The following DGKB variants were observed in gnomAD, a reference collection of about 807,000 sequenced individuals.
DGKB encodes the protein diacylglycerol kinase beta.
DGKB carries 67 observed loss-of-function variants against 114.3 expected under a neutral mutation model. The observed-to-expected ratio is 0.59, with a 90% confidence interval of 0.48 to 0.72. The LOEUF (loss-of-function observed/expected upper bound fraction) is 0.72. Among genes scored for constraint, DGKB ranks in the 30% least tolerant of loss-of-function variants. The pLI is 0.00. For missense variants in DGKB, 907 were observed against 975.2 expected, an observed-to-expected ratio of 0.93 and a Z score of 0.93; for synonymous variants, 398 against 323.1, an observed-to-expected ratio of 1.23 and a Z score of -2.49.
chr7:14,382,451 T>TACAC (rs4027189), intron 21 of DGKB, among the ~76,000 whole-genome samples: 1 of 150,602 alleles, frequency 6.6e-6, no homozygotes, highest in South Asian at 2.1e-4. Context: ...TGCATGCCTG[T>TACAC]ACACACACAC....
At chr7:14,361,662 A>C (rs797010200) in intron 21 of DGKB, among the ~76,000 whole-genome samples, 11 of 152,070 alleles carry the variant, frequency 7.2e-5, no homozygotes, top group African/African-American at 2.6e-4. Context: ...TACGTAAAGG[A>C]AACATCCCCT....
intron 2 of DGKB, among the ~76,000 whole-genome samples, chr7:14,827,913 A>T (rs1845912186): frequency 8.4e-6 from 1 of 118,702 alleles, no homozygotes; most frequent in Admixed American, 9.3e-5. Context: ...CAACAGAAAT[A>T]TGAACTCCGA....
At chr7:14,164,993 C>T (rs1399747906) in intron 25 of DGKB, among the ~76,000 whole-genome samples, 4 of 152,090 alleles carry the variant, frequency 2.6e-5, no homozygotes, top group Admixed American at 1.3e-4. Context: ...TATTAAATAA[C>T]TCTCCAAAGT....
At chr7:14,658,305 T>C (rs1475647871) in intron 13 of DGKB, among the ~76,000 whole-genome samples, 1 of 151,892 alleles carries the variant, frequency 6.6e-6, no homozygotes, top group African/African-American at 2.4e-5. Context: ...ATAGGTGAAA[T>C]AAGCCAAGCA....
At chr7:14,746,105 G>A (rs1833248190) in intron 4 of DGKB, among the ~76,000 whole-genome samples, 1 of 152,140 alleles carries the variant, frequency 6.6e-6, no homozygotes, top group African/African-American at 2.4e-5. Flanking sequence ...TTGGGAGGCT[G>A]AGGCAGGCAG....
chr7:14,547,098 T>G lies in DGKB; in HGVS notation c.1770+27114A>C, dbSNP rs78619662. Among the ~76,000 whole-genome samples the G allele has an allele frequency of 7.7e-4, 118 of 152,310 alleles. 2 individuals carry two copies. In the East Asian group the frequency reaches 0.022, roughly 29 times the overall value. On this transcript the variant is annotated intron_variant, in intron 20 of 25. Coordinates refer to ENST00000402815, the MANE Select transcript of DGKB (RefSeq NM_001350709.2). The stretch of plus-strand genomic sequence containing the variant: ...ATGAGCAATATGAAATTAAAATTGT[T>G]GATATGTGTTTTAAAGGTCAAAATC...
rs551891438 is a variant in DGKB, at chr7:14,955,993, T to C, written c.-188+18703A>G. ...GTAGCCTGAATGAGAGTAGCACCTGTCATGGAGTAAATATGATCATTCTAA... is the reference window on the plus strand; with the variant it reads ...GTAGCCTGAATGAGAGTAGCACCTGCCATGGAGTAAATATGATCATTCTAA... On this transcript the variant is annotated intron_variant, in intron 1 of 4. Coordinates refer to the DGKB transcript ENST00000437998. Among the ~76,000 whole-genome samples the C allele has an allele frequency of 1.4e-4, 21 of 152,070 alleles. No individual in the cohort carries two copies. The South Asian group carries it at 2.9e-3, about 21-fold the overall frequency.
intron 17 of DGKB, 36 bp from the exon 18 acceptor site, chr7:14,583,173 G>A: frequency 1.5e-6 from 2 of 1,296,470 alleles, no homozygotes; most frequent in Admixed American, 4.1e-5. Flanking sequence ...ATGATTAATA[G>A]TTTAAAAATA....
At chr7:14,881,668 G>A (rs10429088) in intron 1 of DGKB, among the ~76,000 whole-genome samples, 5,575 of 152,126 alleles carry the variant, frequency 0.037, 278 homozygotes, top group African/African-American at 0.12. Context: ...TTCTGATTTT[G>A]TAGGGTTGTG....
intron 21 of DGKB, among the ~76,000 whole-genome samples, chr7:14,439,154 G>A (rs772663278): frequency 1.3e-5 from 2 of 151,992 alleles, no homozygotes; most frequent in Non-Finnish European, 1.5e-5. Context: ...TTCATTACAC[G>A]TACTAATCCC....
intron 21 of DGKB, among the ~76,000 whole-genome samples, chr7:14,378,617 C>A (rs1471574215): frequency 6.6e-6 from 1 of 152,116 alleles, no homozygotes; most frequent in East Asian, 1.9e-4. Flanking sequence ...AATGATCCAA[C>A]ACCTCTCCTA....
intron 20 of DGKB, among the ~76,000 whole-genome samples, chr7:14,549,047 G>A (rs2195753): frequency 6.6e-6 from 1 of 151,858 alleles, no homozygotes; most frequent in African/African-American, 2.4e-5. Flanking sequence ...AACAATCCTG[G>A]TGATCATCAG....
In DGKB at chr7:14,744,461, A is replaced by G. The variant is rs148879381; in HGVS notation, c.169-8267T>C. Among the ~76,000 whole-genome samples, 109 of 152,240 alleles carry G rather than the reference A, an allele frequency of 7.2e-4. 1 individual carries two copies. In the East Asian group the frequency reaches 0.014, roughly 20 times the overall value. The stretch of plus-strand genomic sequence containing the variant: ...CATACAGGGTTCCTAATCTGTAATG[A>G]GTAAAGAATGTCACTTTCTAATGGG... On this transcript the variant is annotated intron_variant, in intron 4 of 25. Transcript: ENST00000402815.
At chr7:14,853,867 CAAAAAAAAA>C (rs56269565) in intron 1 of DGKB, among the ~76,000 whole-genome samples, 12,224 of 104,456 alleles carry the variant, frequency 0.12, 986 homozygotes, top group East Asian at 0.35. Flanking sequence ...GACTCCGTCT[CAAAAAAAAA>C]AAAAAAAAAA....
intron 23 of DGKB, among the ~76,000 whole-genome samples, chr7:14,289,468 C>A (rs1410811257): frequency 6.6e-6 from 1 of 151,992 alleles, no homozygotes; most frequent in East Asian, 1.9e-4. Context: ...ACACTAAAAT[C>A]TTGTTTAAAA....
chr7:14,766,929 G>T (rs886315998), intron 2 of DGKB, among the ~76,000 whole-genome samples: 1 of 151,648 alleles, frequency 6.6e-6, no homozygotes, highest in South Asian at 2.1e-4. Flanking sequence ...AGTTTAGCCA[G>T]AAGGAAATCA....
Position 14,740,873 on chromosome 7 carries a change from A to AG in DGKB, c.169-4680dup, listed in dbSNP as rs572804139. Among the ~76,000 whole-genome samples, 9 of 152,288 alleles carry AG rather than the reference A, an allele frequency of 5.9e-5. No individual in the cohort carries two copies. In the East Asian group the frequency reaches 1.7e-3, roughly 29 times the overall value. On this transcript the variant is annotated intron_variant, in intron 4 of 25. Transcript: ENST00000402815. ...CACCCTGTTGTGGTCACCAGGCCTC[A>AG]GGGATATAAGGATAAAAGAAGGAAA...
At chr7:14,233,151 A>G (rs914306143) in intron 23 of DGKB, among the ~76,000 whole-genome samples, 3 of 152,064 alleles carry the variant, frequency 2.0e-5, no homozygotes, top group Non-Finnish European at 4.4e-5. Context: ...CCTCAAGACA[A>G]TGCAAGCCTA....
At chr7:14,403,401 T>C (rs1467739379) in intron 21 of DGKB, among the ~76,000 whole-genome samples, 1 of 151,944 alleles carries the variant, frequency 6.6e-6, no homozygotes, top group Non-Finnish European at 1.5e-5. Context: ...CAGTATGCTT[T>C]CCCTAGCAAA....
Sources: gnomAD v4.1 joint callset for allele counts (sites outside exome capture counted in the v4.1 genomes callset) on GRCh38, gnomAD v4.1.1 for gene constraint, MANE v1.5 for transcripts, NCBI Gene and HGNC (gene_info 2026-07-23, HGNC 2026-07-21) for gene names.